Variants in KDM3B observed in about 807,000 individuals in gnomAD.
KDM3B encodes the protein lysine demethylase 3B.
A neutral mutation model predicts 170.0 loss-of-function variants in KDM3B; 10 were observed. That is an observed-to-expected ratio of 0.06 (90% CI 0.04 to 0.10). The LOEUF is 0.10. Among genes scored for constraint, KDM3B ranks in the 10% least tolerant of loss-of-function variants. The pLI, the probability that KDM3B is intolerant of heterozygous loss-of-function variation, is 1.00. For synonymous variants in KDM3B, 831 were observed against 834.8 expected (o/e 1.00, Z 0.08); for missense variants, 1,394 against 2,195.2 (o/e 0.64, Z 7.29).
intron 21 of KDM3B, 46 bp downstream of exon 21, chr5:138,430,011 C>G: frequency 6.2e-7 from 1 of 1,604,784 alleles, no homozygotes; most frequent in South Asian, 1.1e-5. Context: ...TATCAAGAGT[C>G]TCGTTGCTGA....
At chr5:138,424,622 C>A (rs1561794716) in intron 16 of KDM3B, among the ~76,000 whole-genome samples, 1 of 151,562 alleles carries the variant, frequency 6.6e-6, no homozygotes, top group Non-Finnish European at 1.5e-5. Context: ...ACTAAAAATA[C>A]AAAAAAAATT....
chr5:138,382,753 G>A (rs1019589995), intron 6 of KDM3B, among the ~76,000 whole-genome samples: 2 of 152,096 alleles, frequency 1.3e-5, no homozygotes, highest in Non-Finnish European at 2.9e-5. Flanking sequence ...AAAGTGCTGG[G>A]ATGACAGGCA....
chr5:138,366,765 G>A (rs1761755556), intron 1 of KDM3B, among the ~76,000 whole-genome samples: 1 of 152,222 alleles, frequency 6.6e-6, no homozygotes, highest in South Asian at 2.1e-4. Flanking sequence ...ACAGCTGGGT[G>A]ACAGACCAAA....
intron 19 of KDM3B, 64 bp downstream of exon 19, chr5:138,427,383 G>A: frequency 1.3e-6 from 2 of 1,547,222 alleles, no homozygotes; most frequent in Admixed American, 3.5e-5. Flanking sequence ...ACTATAGAAG[G>A]ATATCTGTGG....
At chr5:138,357,659 C>A (rs1338885762) in intron 1 of KDM3B, among the ~76,000 whole-genome samples, 2 of 151,760 alleles carry the variant, frequency 1.3e-5, no homozygotes, top group African/African-American at 4.8e-5. Flanking sequence ...CATGCCCAGC[C>A]AACATTTTTG....
chr5:138,375,050 T>A (rs2126925599), intron 2 of KDM3B, 43 bp from the exon 3 acceptor site: 2 of 1,062,766 alleles, frequency 1.9e-6, no homozygotes. Context: ...GCTGTTTTTT[T>A]ATTCCCAAGT....
chr5:138,374,325 C>T (rs56224163), intron 2 of KDM3B: 285 of 438,052 alleles, frequency 6.5e-4, no homozygotes, highest in South Asian at 7.4e-4. Context: ...TGCAATGGCT[C>T]GATCTCGGCT....
In KDM3B at chr5:138,376,831, G is replaced by C. The variant is rs72803856; in HGVS notation, c.475-889G>C. Among the ~76,000 whole-genome samples, 1,064 of 152,196 alleles carry C rather than the reference G, an allele frequency of 7.0e-3. 11 individuals carry two copies. The highest frequency in any genetic ancestry group is 0.024 in the East Asian group (127 of 5,186). On this transcript the variant is annotated intron_variant, in intron 3 of 23. Transcript: ENST00000314358. ...AGTTTGGACTGGTTCCAAGCAGCATGAAGTATCATAGTTACAAAGAAAAGG... is the reference window on the plus strand; with the variant it reads ...AGTTTGGACTGGTTCCAAGCAGCATCAAGTATCATAGTTACAAAGAAAAGG...
intron 1 of KDM3B, among the ~76,000 whole-genome samples, chr5:138,369,265 C>T (rs897263784): frequency 5.9e-5 from 9 of 152,168 alleles, no homozygotes; most frequent in African/African-American, 1.7e-4. Context: ...ATCCTCCTGA[C>T]ATCAGTTCAT....
chr5:138,375,933 T>C (rs2126926833), intron 3 of KDM3B, among the ~76,000 whole-genome samples: 1 of 152,350 alleles, frequency 6.6e-6, no homozygotes, highest in East Asian at 1.9e-4. Flanking sequence ...TGCCTTGGCC[T>C]CCCAAAGTGC....
At chr5:138,354,525 C>G (rs940288884) in intron 1 of KDM3B, among the ~76,000 whole-genome samples, 1 of 152,226 alleles carries the variant, frequency 6.6e-6, no homozygotes, top group African/African-American at 2.4e-5. Flanking sequence ...CTGGTTCTTG[C>G]AGTGGTCGTC....
At position 138,387,891 on chromosome 5, in the gene KDM3B, C is replaced by G. The variant is rs188787589; in HGVS notation, c.1380+1270C>G. On this transcript the variant is annotated intron_variant, in intron 7 of 23. Coordinates refer to ENST00000314358, the MANE Select transcript of KDM3B (RefSeq NM_016604.4). ...GGTCAGGAGATCAAGACCATCCTGG[C>G]TAACACGGTGAAACCCCATCTCTAC... 3.3e-5 allele frequency among the ~76,000 whole-genome samples: 5 copies of G among 152,210 alleles called. No homozygotes were observed. The South Asian group carries it at 8.3e-4, about 25-fold the overall frequency.
At chr5:138,426,314 C>T (rs1193039078) in intron 17 of KDM3B, among the ~76,000 whole-genome samples, 2 of 152,154 alleles carry the variant, frequency 1.3e-5, no homozygotes, top group African/African-American at 4.8e-5. Context: ...GTGGCTCACA[C>T]CTGTAATCCC....
intron 1 of KDM3B, among the ~76,000 whole-genome samples, chr5:138,354,374 A>G (rs1761402253): frequency 6.6e-6 from 1 of 152,226 alleles, no homozygotes; most frequent in African/African-American, 2.4e-5. Context: ...CTTTCTTTAA[A>G]AGATGGCTGG....
chr5:138,431,599 TG>T, intron 23 of KDM3B, 40 bp downstream of exon 23: 1 of 1,544,068 alleles, frequency 6.5e-7, no homozygotes, highest in Non-Finnish European at 8.8e-7. Context: ...GTCTTCTCAT[TG>T]CATACTCACA....
At chr5:138,390,598 G>C (rs997469974) in intron 7 of KDM3B, among the ~76,000 whole-genome samples, 2 of 152,114 alleles carry the variant, frequency 1.3e-5, no homozygotes, top group African/African-American at 2.4e-5. Flanking sequence ...TAGCTCCCAA[G>C]GTCATTGAGA....
intron 1 of KDM3B, among the ~76,000 whole-genome samples, chr5:138,358,812 C>CT (rs1761523517): frequency 7.0e-6 from 1 of 143,340 alleles, no homozygotes; most frequent in African/African-American, 2.6e-5. Flanking sequence ...TATTATTATA[C>CT]TTTAAGTTTT....
At chr5:138,426,908 G>T in intron 17 of KDM3B, 67 bp from the exon 18 acceptor site, 37 of 1,027,766 alleles carry the variant, frequency 3.6e-5, no homozygotes, top group Non-Finnish European at 5.5e-5. Context: ...TCTCCCAAAA[G>T]TTACTGTTGA....
chr5:138,430,607 A>C (rs1329329645), intron 22 of KDM3B, among the ~76,000 whole-genome samples, 182 bp downstream of exon 22: 3 of 152,198 alleles, frequency 2.0e-5, no homozygotes, highest in East Asian at 3.8e-4. Context: ...AATTTTAAAC[A>C]GGGCGGTCCT....
Sources: gnomAD v4.1 joint callset for allele counts (sites outside exome capture counted in the v4.1 genomes callset) on GRCh38, gnomAD v4.1.1 for gene constraint, MANE v1.5 for transcripts, NCBI Gene and HGNC (gene_info 2026-07-23, HGNC 2026-07-21) for gene names.